Variants in FHIT observed in about 807,000 individuals in gnomAD.
FHIT encodes the protein bis(5'-adenosyl)-triphosphatase.
FHIT carries 19 observed loss-of-function variants against 17.9 expected under a neutral mutation model. That is an observed-to-expected ratio of 1.06 (90% CI 0.74 to 1.56). The LOEUF (loss-of-function observed/expected upper bound fraction) is 1.56, where lower values mean the gene tolerates loss of function less well. Ranked by LOEUF, FHIT falls within the 40% of genes most tolerant of loss-of-function variation. The pLI is 0.00. For synonymous variants in FHIT, 81 were observed against 69.7 expected (o/e 1.16, Z -0.81); for missense variants, 248 against 189.2 (o/e 1.31, Z -1.82).
chr3:60,087,202 C>A (rs1703531308), intron 5 of FHIT, among the ~76,000 whole-genome samples: 1 of 152,190 alleles, frequency 6.6e-6, no homozygotes, highest in African/African-American at 2.4e-5. Flanking sequence ...CATCCAGAGG[C>A]AGCCCAGGGC....
intron 5 of FHIT, among the ~76,000 whole-genome samples, chr3:60,475,419 T>A (rs186933407): frequency 6.6e-6 from 1 of 152,338 alleles, no homozygotes; most frequent in East Asian, 1.9e-4. Flanking sequence ...ATAGATTGAA[T>A]ACTGTGATTA....
intron 8 of FHIT, among the ~76,000 whole-genome samples, chr3:59,803,409 C>A (rs559457891): frequency 5.6e-4 from 85 of 152,300 alleles, no homozygotes; most frequent in South Asian, 2.3e-3. Flanking sequence ...CCTGGGTGAG[C>A]GGGCTTGCTT....
rs778935961 is a variant in FHIT at position 60,049,150 on chromosome 3, G to GA, written c.104-34999dup. 5.9e-5 allele frequency among the ~76,000 whole-genome samples: 9 copies of GA among 152,168 alleles called. No homozygotes were observed. The East Asian group carries it at 1.2e-3, about 20-fold the overall frequency. On this transcript the variant is annotated intron_variant, in intron 5 of 9. Coordinates refer to ENST00000492590, the MANE Select transcript of FHIT (RefSeq NM_002012.4). ...CTTTAACGCATAGCTGTGTTTTTAT[G>GA]AAAAATAAAATACTGGGGTTTTATG...
chr3:60,971,238 T>C (rs927775539), intron 3 of FHIT, among the ~76,000 whole-genome samples: 17 of 152,020 alleles, frequency 1.1e-4, no homozygotes, highest in Admixed American at 1.1e-3. Flanking sequence ...AGCATGGTGG[T>C]GTGTGCCTGT....
intron 7 of FHIT, among the ~76,000 whole-genome samples, chr3:59,946,057 G>A (rs760383480): frequency 1.3e-5 from 2 of 152,132 alleles, no homozygotes; most frequent in Non-Finnish European, 2.9e-5. Context: ...TTCTAATTCT[G>A]TGAGAAGTCA....
intron 5 of FHIT, among the ~76,000 whole-genome samples, chr3:60,369,642 T>A (rs1432816437): frequency 6.6e-6 from 1 of 152,208 alleles, no homozygotes; most frequent in Non-Finnish European, 1.5e-5. Context: ...ATTCTTCATT[T>A]TAGATTGTGA....
chr3:60,508,999 A>G (rs1261252960), intron 5 of FHIT, among the ~76,000 whole-genome samples: 2 of 152,168 alleles, frequency 1.3e-5, no homozygotes, highest in African/African-American at 2.4e-5. Flanking sequence ...CACATAGTAC[A>G]TATCTGTGGT....
intron 3 of FHIT, among the ~76,000 whole-genome samples, chr3:60,983,134 CTTGT>C (rs1333768291): frequency 1.1e-4 from 13 of 117,920 alleles, no homozygotes; most frequent in African/African-American, 4.4e-4. Flanking sequence ...TACCTTCTCT[CTTGT>C]GTGTGTGTGT....
At chr3:61,216,134 T>C (rs931721609) in intron 1 of FHIT, among the ~76,000 whole-genome samples, 3 of 152,118 alleles carry the variant, frequency 2.0e-5, no homozygotes, top group African/African-American at 4.8e-5. Flanking sequence ...AAAGCCAAAA[T>C]TGACAAATGG....
chr3:61,034,036 T>C (rs2033128853), intron 3 of FHIT, among the ~76,000 whole-genome samples: 2 of 152,156 alleles, frequency 1.3e-5, no homozygotes, highest in Admixed American at 1.3e-4. Context: ...CTTCAGCAAA[T>C]TGTGCTGGAA....
At chr3:60,842,722 G>A (rs1553745486) in intron 3 of FHIT, among the ~76,000 whole-genome samples, 2 of 148,370 alleles carry the variant, frequency 1.3e-5, no homozygotes, top group Non-Finnish European at 3.0e-5. Flanking sequence ...TAAGATTAAG[G>A]TGTGATCATT....
At chr3:61,058,565 A>C (rs979980151) in intron 2 of FHIT, among the ~76,000 whole-genome samples, 1 of 152,102 alleles carries the variant, frequency 6.6e-6, no homozygotes, top group Non-Finnish European at 1.5e-5. Context: ...CTGGTTGTTT[A>C]AAAGTGTGCA....
chr3:61,066,679 C>A (rs1021314332), intron 2 of FHIT, among the ~76,000 whole-genome samples: 1 of 152,080 alleles, frequency 6.6e-6, no homozygotes, highest in Non-Finnish European at 1.5e-5. Context: ...TATGTCTGCA[C>A]CCCAGTTGGC....
chr3:60,700,477 T>C (rs782225068), intron 4 of FHIT, among the ~76,000 whole-genome samples: 6 of 152,176 alleles, frequency 3.9e-5, no homozygotes, highest in Admixed American at 6.5e-5. Flanking sequence ...AGTATGGTTA[T>C]AGTATAAATA....
intron 5 of FHIT, among the ~76,000 whole-genome samples, chr3:60,365,533 TTTCTG>T (rs981000845): frequency 3.3e-5 from 5 of 152,316 alleles, no homozygotes; most frequent in African/African-American, 7.2e-5. Flanking sequence ...ACAACTTTCT[TTTCTG>T]TTAAGTCATA....
At chr3:60,789,516 C>CAAAT (rs1373850397) in intron 4 of FHIT, among the ~76,000 whole-genome samples, 1 of 152,022 alleles carries the variant, frequency 6.6e-6, no homozygotes, top group Non-Finnish European at 1.5e-5. Flanking sequence ...GACTCCATCT[C>CAAAT]AAACAAACAA....
chr3:61,174,958 G>A (rs1047650251), intron 2 of FHIT, among the ~76,000 whole-genome samples: 11 of 152,118 alleles, frequency 7.2e-5, no homozygotes, highest in South Asian at 2.1e-4. Flanking sequence ...CAATGATCTC[G>A]AGGAAACCAC....
At chr3:60,630,628 A>T (rs944296207) in intron 4 of FHIT, among the ~76,000 whole-genome samples, 1 of 152,104 alleles carries the variant, frequency 6.6e-6, no homozygotes, top group African/African-American at 2.4e-5. Flanking sequence ...TCTGCCTACT[A>T]TGTGAGCCTT....
intron 2 of FHIT, among the ~76,000 whole-genome samples, chr3:61,157,677 A>G (rs1161149300): frequency 6.6e-6 from 1 of 152,178 alleles, no homozygotes; most frequent in Non-Finnish European, 1.5e-5. Context: ...GGCTTTGTTT[A>G]TGCCTTGTTC....
Sources: gnomAD v4.1 joint callset for allele counts (sites outside exome capture counted in the v4.1 genomes callset) on GRCh38, gnomAD v4.1.1 for gene constraint, MANE v1.5 for transcripts, NCBI Gene and HGNC (gene_info 2026-07-23, HGNC 2026-07-21) for gene names.